The following GRHL2 variants were observed in gnomAD, a reference collection of about 807,000 sequenced individuals.
The protein encoded by GRHL2 is grainyhead like transcription factor 2, also known as grainyhead-like protein 2 homolog.
A neutral mutation model predicts 83.8 loss-of-function variants in GRHL2; 21 were observed. That is an observed-to-expected ratio of 0.25 (90% CI 0.18 to 0.36). The LOEUF (loss-of-function observed/expected upper bound fraction) is 0.36. Ranked by LOEUF, GRHL2 falls within the 10% of genes least tolerant of loss-of-function variation. GRHL2 has a pLI of 1.00. For synonymous variants in GRHL2, 280 were observed against 278.9 expected (o/e 1.00, Z -0.04); for missense variants, 623 against 781.8 (o/e 0.80, Z 2.42).
intron 4 of GRHL2, among the ~76,000 whole-genome samples, chr8:101,569,932 C>T (rs1432417398): frequency 6.6e-6 from 1 of 152,206 alleles, no homozygotes; most frequent in Non-Finnish European, 1.5e-5. Flanking sequence ...ATGTTCTTAA[C>T]CATTCTACTG....
Position 101,543,374 on chromosome 8 carries a change from A to C in GRHL2, c.154A>C (p.Met52Leu). Residue 52 changes from methionine (M) to leucine (L), a missense_variant, in exon 2 of 16, where the codon ATG (methionine) becomes CTG (leucine). Around this residue, in one of 8 missense-constraint regions of GRHL2, gnomAD observed 11 missense variants for 46.1 expected, o/e 0.24. Transcript: ENST00000646743. ...NPLTAATKAMMSINGDEDSAA... is the reference protein window; with the variant it reads ...NPLTAATKAMLSINGDEDSAA... ...CCTGACAGCAGCCACCAAGGCCATG[A>C]TGAGCATTAATGGTGATGAGGACAG... is the stretch of plus-strand genomic sequence containing the variant. 1 of 1,614,164 alleles carries C rather than the reference A, an allele frequency of 6.2e-7. No homozygotes were observed.
intron 2 of GRHL2, among the ~76,000 whole-genome samples, chr8:101,546,606 G>A (rs1474099081): frequency 6.6e-6 from 1 of 152,006 alleles, no homozygotes; most frequent in Non-Finnish European, 1.5e-5. Context: ...GTAGAGACGG[G>A]ATTTTGCACA....
intron 8 of GRHL2, among the ~76,000 whole-genome samples, chr8:101,601,747 G>C (rs926639880): frequency 1.3e-5 from 2 of 152,192 alleles, no homozygotes; most frequent in Admixed American, 6.5e-5. Flanking sequence ...TAATCAATAA[G>C]TAATGAAAAA....
intron 11 of GRHL2, among the ~76,000 whole-genome samples, chr8:101,634,317 A>G (rs897635782): frequency 6.6e-6 from 1 of 152,282 alleles, no homozygotes; most frequent in East Asian, 1.9e-4. Context: ...CCTGTGGTTG[A>G]TCAGCTGGCT....
chr8:101,670,227 T>A (rs1814182291), downstream of GRHL2, among the ~76,000 whole-genome samples: 1 of 152,220 alleles, frequency 6.6e-6, no homozygotes, highest in Non-Finnish European at 1.5e-5. Flanking sequence ...TATCCCAGTA[T>A]CTGCTGGGGT....
At chr8:101,494,155 C>T (rs1279437399) in intron 1 of GRHL2, among the ~76,000 whole-genome samples, 7 of 152,010 alleles carry the variant, frequency 4.6e-5, no homozygotes, top group African/African-American at 1.7e-4. Flanking sequence ...GCCGGTGCCC[C>T]AAGGCCGCGG....
Position 101,550,189 on chromosome 8 carries a change from TTA to T in GRHL2, c.217-2525_217-2524del, listed in dbSNP as rs1491501467. On this transcript the variant is annotated intron_variant, in intron 2 of 15. Coordinates refer to ENST00000646743, the MANE Select transcript of GRHL2 (RefSeq NM_024915.4). ...ATACATATGCAGGTCTTTTTTTTTT[TTA>T]AAAAAATTATCATTTCAACTTTTGT... 7.7e-3 allele frequency among the ~76,000 whole-genome samples: 241 copies of T among 31,484 alleles called. 2 individuals carry two copies. Among genetic ancestry groups the T allele is most frequent in the African/African-American group, 0.013 (215 of 16,298 alleles). 20.7% of individuals were successfully genotyped at this position (31,484 alleles called of 152,430 possible). A position where few individuals can be genotyped will look rare whatever the true frequency, so the allele number is the denominator to read the frequency against.
At chr8:101,563,356 AT>A (rs112264289) in intron 4 of GRHL2, among the ~76,000 whole-genome samples, 179 of 147,146 alleles carry the variant, frequency 1.2e-3, no homozygotes, top group South Asian at 4.3e-3. Context: ...TCCATCTCAG[AT>A]TTTTTTTTTT....
chr8:101,555,772 A>T (rs1446295372), intron 3 of GRHL2, among the ~76,000 whole-genome samples: 2 of 152,170 alleles, frequency 1.3e-5, no homozygotes, highest in Non-Finnish European at 2.9e-5. Context: ...AAAGTTTTAG[A>T]TATCTTAAAT....
At chr8:101,508,785 T>C (rs958570651) in intron 1 of GRHL2, among the ~76,000 whole-genome samples, 2 of 152,054 alleles carry the variant, frequency 1.3e-5, no homozygotes, top group Non-Finnish European at 2.9e-5. Flanking sequence ...ATTTATAGAG[T>C]GCCTATAGCC....
At chr8:101,559,020 T>C (rs567258131) in intron 4 of GRHL2, among the ~76,000 whole-genome samples, 2 of 152,284 alleles carry the variant, frequency 1.3e-5, no homozygotes, top group South Asian at 4.1e-4. Flanking sequence ...TGGAGGAATA[T>C]TTCTATTTTT....
intron 14 of GRHL2, among the ~76,000 whole-genome samples, chr8:101,663,834 A>G (rs970843385): frequency 3.3e-5 from 5 of 151,280 alleles, no homozygotes; most frequent in African/African-American, 1.2e-4. Flanking sequence ...AACTTAAGGA[A>G]GTTAGTTCCA....
intron 7 of GRHL2, among the ~76,000 whole-genome samples, chr8:101,582,916 T>TG: frequency 6.6e-6 from 1 of 152,298 alleles, no homozygotes; most frequent in African/African-American, 2.4e-5. Flanking sequence ...TGTTTAGCCA[T>TG]GTTTTTCTGT....
chr8:101,623,278 C>G (rs1434318324), intron 9 of GRHL2, among the ~76,000 whole-genome samples: 1 of 152,262 alleles, frequency 6.6e-6, no homozygotes, highest in African/African-American at 2.4e-5. Flanking sequence ...GCACAGCAAT[C>G]AATAGGACAG....
intron 7 of GRHL2, among the ~76,000 whole-genome samples, chr8:101,587,156 G>A (rs560667): frequency 0.92 from 139,878 of 152,266 alleles, 64,705 homozygotes; most frequent in Non-Finnish European, 0.97. Flanking sequence ...GTGTCCCTTC[G>A]TCATTTTCCT....
At position 101,582,735 on chromosome 8, in the gene GRHL2, G is replaced by C. The variant is rs1248645704; in HGVS notation, c.1003+5216G>C. 4.6e-5 allele frequency among the ~76,000 whole-genome samples: 7 copies of C among 152,218 alleles called. No individual in the cohort carries two copies. In the East Asian group the frequency reaches 1.3e-3, roughly 29 times the overall value. On this transcript the variant is annotated intron_variant, in intron 7 of 15. Transcript: ENST00000646743. The stretch of plus-strand genomic sequence containing the variant: ...CACCCACCTCAGCGTCTTTGCAGAG[G>C]AACGTCACTAAGCCAGAAGTGGAGC...
intron 1 of GRHL2, among the ~76,000 whole-genome samples, chr8:101,522,400 ATG>A (rs1810703547): frequency 6.6e-6 from 1 of 152,204 alleles, no homozygotes; most frequent in South Asian, 2.1e-4. Flanking sequence ...ATATAGTAGG[ATG>A]TGCATGGGTT....
At chr8:101,561,609 C>G (rs1393328060) in intron 4 of GRHL2, among the ~76,000 whole-genome samples, 1 of 152,156 alleles carries the variant, frequency 6.6e-6, no homozygotes, top group South Asian at 2.1e-4. Flanking sequence ...GTTGTATCCC[C>G]CTTCTATAAC....
At chr8:101,678,973 GAA>G in the GRHL2 span, among the ~76,000 whole-genome samples, 1 of 135,510 alleles carries the variant, frequency 7.4e-6, no homozygotes, top group African/African-American at 2.8e-5. Context: ...CAAAGATGGG[GAA>G]AAAACAGAAC....
Sources: gnomAD v4.1 joint callset for allele counts (sites outside exome capture counted in the v4.1 genomes callset) on GRCh38, gnomAD v4.1.1 for gene constraint, gnomAD v4.1.1 regional missense constraint, MANE v1.5 for transcripts, NCBI Gene and HGNC (gene_info 2026-07-23, HGNC 2026-07-21) for gene names.